The following MAP3K20 variants were observed in gnomAD, a reference collection of about 807,000 sequenced individuals.
MAP3K20 encodes HCCS-4.
Under a neutral mutation model 85.7 loss-of-function variants are expected in MAP3K20, and 40 were observed. The observed-to-expected ratio is 0.47, with a 90% CI of 0.36 to 0.61. MAP3K20 has a LOEUF of 0.61. Ranked by LOEUF, MAP3K20 falls within the 20% of genes least tolerant of loss-of-function variation. MAP3K20 has a pLI of 0.00. For missense variants in MAP3K20, 817 were observed against 961.7 expected, an observed-to-expected ratio of 0.85 and a Z score of 1.99; for synonymous variants, 325 against 327.7, an observed-to-expected ratio of 0.99 and a Z score of 0.09.
intron 1 of MAP3K20, among the ~76,000 whole-genome samples, chr2:173,083,366 T>A (rs67719248): frequency 0.28 from 42,454 of 151,914 alleles, 7,053 homozygotes; most frequent in Non-Finnish European, 0.37. Context: ...TTTTTATTTT[T>A]TTTTTTTGAG....
Position 173,217,264 on chromosome 2 carries a change from C to T in MAP3K20, c.987+14C>T. On this transcript the variant is annotated intron_variant, in intron 11 of 19. Coordinates refer to ENST00000375213, the MANE Select transcript of MAP3K20 (RefSeq NM_016653.3). The stretch of plus-strand genomic sequence containing the variant: ...TCCAACACCCCGGTGAGTACCCTCC[C>T]CCTTCGCCGTCTTTCCACATGCGGC... 2 of 1,530,856 alleles carry T rather than the reference C, an allele frequency of 1.3e-6. No individual in the cohort carries two copies. 94.8% of individuals were successfully genotyped at this position (1,530,856 alleles called of 1,614,324 possible).
chr2:173,122,427 G>T (rs1688321286), intron 2 of MAP3K20, among the ~76,000 whole-genome samples: 1 of 152,194 alleles, frequency 6.6e-6, no homozygotes, highest in African/African-American at 2.4e-5. Flanking sequence ...AAATATCTGA[G>T]TATGTTCTTT....
chr2:173,082,937 C>A (rs1687051241), intron 1 of MAP3K20, among the ~76,000 whole-genome samples: 1 of 152,224 alleles, frequency 6.6e-6, no homozygotes, highest in Non-Finnish European at 1.5e-5. Flanking sequence ...TCTTTTACTT[C>A]TGGTAACAAT....
At chr2:173,239,344 T>G in intron 15 of MAP3K20, 60 bp from the exon 16 acceptor site, 4 of 1,393,640 alleles carry the variant, frequency 2.9e-6, no homozygotes, top group Non-Finnish European at 3.9e-6. Flanking sequence ...GATATCATCT[T>G]CTTTACATGA....
intron 2 of MAP3K20, among the ~76,000 whole-genome samples, chr2:173,108,287 C>T (rs924063394): frequency 6.6e-6 from 1 of 152,236 alleles, no homozygotes; most frequent in South Asian, 2.1e-4. Flanking sequence ...CATGTGTCAC[C>T]ATGCCTGGCT....
chr2:173,195,759 G>T (rs1398807408), intron 7 of MAP3K20, among the ~76,000 whole-genome samples: 6 of 152,086 alleles, frequency 3.9e-5, no homozygotes, highest in African/African-American at 1.4e-4. Flanking sequence ...TTAAACTAAA[G>T]ACCTCATTTG....
chr2:173,209,251 AGATT>A (rs1042633481), intron 9 of MAP3K20, among the ~76,000 whole-genome samples: 1 of 152,190 alleles, frequency 6.6e-6, no homozygotes, highest in African/African-American at 2.4e-5. Context: ...TAGTTCCAAT[AGATT>A]GATAGGTAGA....
chr2:173,134,882 AGTGTGGATT>A (rs1466394062), intron 2 of MAP3K20, among the ~76,000 whole-genome samples: 1 of 152,166 alleles, frequency 6.6e-6, no homozygotes, highest in Non-Finnish European at 1.5e-5. Flanking sequence ...AGTGGTTTAA[AGTGTGGATT>A]CGGGCGTCAG....
At chr2:173,175,290 G>C (rs942105398) in intron 3 of MAP3K20, among the ~76,000 whole-genome samples, 2 of 152,074 alleles carry the variant, frequency 1.3e-5, no homozygotes, top group African/African-American at 4.8e-5. Context: ...CTTTTCTTAG[G>C]TATAGTTTTA....
At chr2:173,212,770 G>A (rs2106308413) in intron 10 of MAP3K20, 1 of 141,600 alleles carries the variant, frequency 7.1e-6, no homozygotes, top group Non-Finnish European at 1.5e-5. Context: ...CGACACTCCA[G>A]CCTGGGCTAC....
intron 19 of MAP3K20, among the ~76,000 whole-genome samples, chr2:173,264,611 T>C (rs1027273751): frequency 1.3e-5 from 2 of 152,152 alleles, no homozygotes; most frequent in African/African-American, 4.8e-5. Flanking sequence ...CTTAAACTAA[T>C]TAAAGTCGAT....
chr2:173,184,788 G>A (rs545713742), intron 4 of MAP3K20, among the ~76,000 whole-genome samples: 1 of 151,544 alleles, frequency 6.6e-6, no homozygotes, highest in African/African-American at 2.4e-5. Flanking sequence ...TGCACTACTC[G>A]CCTATAGTCC....
intron 16 of MAP3K20, among the ~76,000 whole-genome samples, chr2:173,257,550 G>A (rs1169175376): frequency 1.3e-5 from 2 of 152,138 alleles, no homozygotes; most frequent in Non-Finnish European, 1.5e-5. Context: ...ATATATCACA[G>A]TTTATCCATT....
intron 2 of MAP3K20, among the ~76,000 whole-genome samples, chr2:173,166,205 G>A (rs1689818058): frequency 6.6e-6 from 1 of 152,070 alleles, no homozygotes; most frequent in Non-Finnish European, 1.5e-5. Flanking sequence ...TTTGTGCCTG[G>A]CATATTTTAC....
At chr2:173,163,985 G>T (rs1489337537) in intron 2 of MAP3K20, among the ~76,000 whole-genome samples, 1 of 151,054 alleles carries the variant, frequency 6.6e-6, no homozygotes, top group Non-Finnish European at 1.5e-5. Context: ...TTCTGAGACG[G>T]AGTCTAGCTC....
At chr2:173,094,942 T>A (rs562327309) in intron 2 of MAP3K20, among the ~76,000 whole-genome samples, 8 of 152,370 alleles carry the variant, frequency 5.3e-5, no homozygotes, top group African/African-American at 1.9e-4. Context: ...CATTTACTAA[T>A]GTTTTTAGCA....
intron 10 of MAP3K20, among the ~76,000 whole-genome samples, chr2:173,214,063 A>G (rs1221463782): frequency 2.0e-5 from 3 of 152,120 alleles, no homozygotes; most frequent in Non-Finnish European, 2.9e-5. Flanking sequence ...GCAAATGATT[A>G]TTTTCTGGCA....
rs2106361903 is a variant in MAP3K20 at position 173,266,797 on chromosome 2, A to AAG, written c.*48_*49insGA. ...TCTAAGCAGGTTAAAAAAAAAAAAAAAAAGAAATGTAATGGTTTTTGATAA... is the reference window on the plus strand; with the variant it reads ...TCTAAGCAGGTTAAAAAAAAAAAAAAAGAAAGAAATGTAATGGTTTTTGATAA... On this transcript the variant is annotated 3_prime_UTR_variant, in exon 20 of 20. Coordinates refer to ENST00000375213, the MANE Select transcript of MAP3K20 (RefSeq NM_016653.3). 30 of 1,354,024 alleles carry AAG rather than the reference A, an allele frequency of 2.2e-5. No homozygotes were observed. The highest frequency in any genetic ancestry group is 5.9e-5 in the South Asian group (3 of 50,594). The allele number at this position is 1,354,024 out of a possible 1,614,324, so 83.9% of individuals were successfully genotyped here. A position where few individuals can be genotyped will look rare whatever the true frequency, so the allele number is the denominator to read the frequency against.
chr2:173,174,323 G>A (rs772543202), intron 3 of MAP3K20, among the ~76,000 whole-genome samples: 4 of 152,028 alleles, frequency 2.6e-5, no homozygotes, highest in Non-Finnish European at 5.9e-5. Flanking sequence ...ATCTACATTA[G>A]GTATTTTTCC....
Sources: gnomAD v4.1 joint callset for allele counts (sites outside exome capture counted in the v4.1 genomes callset) on GRCh38, gnomAD v4.1.1 for gene constraint, MANE v1.5 for transcripts, NCBI Gene and HGNC (gene_info 2026-07-23, HGNC 2026-07-21) for gene names.